The following MTUS1 variants were observed in gnomAD, a reference collection of about 807,000 sequenced individuals.
MTUS1 encodes the protein microtubule-associated tumor suppressor 1.
MTUS1 carries 109 observed loss-of-function variants against 120.8 expected under a neutral mutation model. The observed-to-expected ratio is 0.90, with a 90% CI of 0.77 to 1.06. MTUS1 has a LOEUF of 1.06. MTUS1 is among the 50% of genes least tolerant of loss of function. MTUS1 has a pLI of 0.00. For missense variants in MTUS1, 2,210 were observed against 1,486.3 expected (o/e 1.49, Z -8.01); for synonymous variants, 737 against 550.5 (o/e 1.34, Z -4.74).
Position 17,722,630 on chromosome 8 carries a change from T to C in MTUS1, c.2449+1042A>G, listed in dbSNP as rs528260972. ...GTCGGAAATGTGCTCATTAATTCGG[T>C]CATTAATTCAATGCCTTCTCTACAA... On this transcript the variant is annotated intron_variant, in intron 4 of 14. Coordinates refer to ENST00000693296, the MANE Select transcript of MTUS1 (RefSeq NM_001363059.2). 6 of 917,370 alleles carry C rather than the reference T, an allele frequency of 6.5e-6. No individual in the cohort carries two copies. The African/African-American group carries it at 1.1e-4, about 16-fold the overall frequency. 56.8% of individuals were successfully genotyped at this position (917,370 alleles called of 1,614,324 possible). A position where few individuals can be genotyped will look rare whatever the true frequency, so the allele number is the denominator to read the frequency against.
intron 1 of MTUS1, among the ~76,000 whole-genome samples, chr8:17,769,232 CTTTTT>C (rs35061390): frequency 0.17 from 22,911 of 131,272 alleles, 1,859 homozygotes; most frequent in Admixed American, 0.22. Flanking sequence ...GCTTTTATTC[CTTTTT>C]TTTTTTTTTT....
At chr8:17,675,918 A>T (rs572737683) in intron 7 of MTUS1, 1 of 188,458 alleles carries the variant, frequency 5.3e-6, no homozygotes, top group African/African-American at 2.3e-5. Flanking sequence ...AGCAAGTATC[A>T]ACCTTGAGCT....
intron 8 of MTUS1, among the ~76,000 whole-genome samples, chr8:17,658,016 T>C (rs1435074073): frequency 4.3e-5 from 3 of 70,078 alleles, no homozygotes; most frequent in Non-Finnish European, 9.2e-5. Flanking sequence ...ATATACACTA[T>C]ATATATAGAC....
intron 3 of MTUS1, among the ~76,000 whole-genome samples, chr8:17,729,890 G>A (rs1164466697): frequency 6.7e-6 from 1 of 150,282 alleles, no homozygotes; most frequent in Non-Finnish European, 1.5e-5. Context: ...TAGCCCAGAG[G>A]CACATGCAAA....
chr8:17,759,408 T>C (rs2048870499), intron 1 of MTUS1, among the ~76,000 whole-genome samples: 1 of 151,446 alleles, frequency 6.6e-6, no homozygotes, highest in Non-Finnish European at 1.5e-5. Flanking sequence ...TGACTACAGG[T>C]ATGTGCCAGC....
intron 1 of MTUS1, among the ~76,000 whole-genome samples, chr8:17,799,351 ATACAT>A (rs2052499717): frequency 6.6e-6 from 1 of 152,204 alleles, no homozygotes; most frequent in Admixed American, 6.5e-5. Flanking sequence ...ATTTTTCATG[ATACAT>A]TAATCAGGAA....
rs1432301103 is a variant in MTUS1 at position 17,781,072 on chromosome 8, TAA to T, written c.-155+19987_-155+19988del. ...ATCCTCTTATCTAATCAGATCTCCA[TAA>T]GTACCCTGAAGGCTTCAAGGAATAA... On this transcript the variant is annotated intron_variant, in intron 1 of 14. Transcript: ENST00000693296. The T allele has an allele frequency of 2.6e-5, 4 of 152,296 alleles. No homozygotes were observed. The East Asian group carries it at 7.7e-4, about 29-fold the overall frequency. The allele number at this position is 152,296 out of a possible 1,614,324, so 9.4% of individuals were successfully genotyped here. A position where few individuals can be genotyped will look rare whatever the true frequency, so the allele number is the denominator to read the frequency against.
intron 12 of MTUS1, among the ~76,000 whole-genome samples, chr8:17,650,293 T>C (rs1018541944): frequency 1.3e-5 from 2 of 152,184 alleles, no homozygotes; most frequent in African/African-American, 4.8e-5. Flanking sequence ...GAGTCAGTTA[T>C]TGGCATTTTC....
intron 7 of MTUS1, among the ~76,000 whole-genome samples, chr8:17,682,770 C>T (rs537879326): frequency 7.6e-4 from 115 of 152,176 alleles, no homozygotes; most frequent in Non-Finnish European, 1.2e-3. Flanking sequence ...ACTAATTGTT[C>T]CCCACATTTG....
At chr8:17,730,624 G>A (rs1586014273) in intron 3 of MTUS1, among the ~76,000 whole-genome samples, 1 of 152,222 alleles carries the variant, frequency 6.6e-6, no homozygotes, top group East Asian at 1.9e-4. Context: ...ACAAAAGGTG[G>A]TACAGATATA....
chr8:17,670,469 T>C (rs1398291470), intron 8 of MTUS1, among the ~76,000 whole-genome samples: 1 of 152,108 alleles, frequency 6.6e-6, no homozygotes, highest in Non-Finnish European at 1.5e-5. Flanking sequence ...TTAAAGGTGA[T>C]CATAATGAAC....
chr8:17,789,258 C>G (rs1031061857), intron 1 of MTUS1, among the ~76,000 whole-genome samples: 3 of 152,140 alleles, frequency 2.0e-5, no homozygotes, highest in African/African-American at 7.2e-5. Flanking sequence ...CTCCAACTCC[C>G]AATCTCAGGT....
Position 17,754,854 on chromosome 8 carries a change from G to A in MTUS1, c.954C>T (p.Ser318=), listed in dbSNP as rs2048479145. 2 of 1,614,174 alleles carry A rather than the reference G, an allele frequency of 1.2e-6. No homozygotes were observed. The highest frequency in any genetic ancestry group is 1.7e-6 in the Non-Finnish European group (2 of 1,180,040). Residue 318 remains serine, a synonymous_variant, in exon 2 of 15, where the codon TCC becomes TCT. Transcript: ENST00000693296. The part of the protein sequence containing the change: ...QEFFCLSHDE[S]NSEPHSQSSY... ...AGCTCTGTGAATGTGGTTCGCTATT[G>A]GATTCATCATGGGATAAACAAAAGA...
At chr8:17,738,465 A>C (rs183983612) in intron 3 of MTUS1, among the ~76,000 whole-genome samples, 28 of 152,320 alleles carry the variant, frequency 1.8e-4, no homozygotes, top group East Asian at 1.9e-4. Flanking sequence ...TTGCCTCCAA[A>C]AGAGAGTGAA....
At chr8:17,685,190 T>TC (rs1485673214) in intron 6 of MTUS1, among the ~76,000 whole-genome samples, 1 of 152,202 alleles carries the variant, frequency 6.6e-6, no homozygotes, top group East Asian at 1.9e-4. Context: ...TGGTCTTTTT[T>TC]CCCAAGTAGT....
chr8:17,649,719 T>A (rs1241982267), intron 13 of MTUS1, 127 bp downstream of exon 13: 2 of 651,178 alleles, frequency 3.1e-6, no homozygotes, highest in African/African-American at 1.8e-5. Context: ...GTGAACTTTA[T>A]CTTTTGTATA....
chr8:17,794,747 G>C (rs903803257), intron 1 of MTUS1, among the ~76,000 whole-genome samples: 1 of 152,168 alleles, frequency 6.6e-6, no homozygotes, highest in Non-Finnish European at 1.5e-5. Flanking sequence ...GATTTTAACA[G>C]TGCAAGGTGA....
chr8:17,683,257 G>T (rs185332825), intron 7 of MTUS1, among the ~76,000 whole-genome samples: 2 of 152,246 alleles, frequency 1.3e-5, no homozygotes, highest in African/African-American at 4.8e-5. Flanking sequence ...GGGCGACAGA[G>T]TGAGAGTCTG....
At chr8:17,753,539 T>C (rs1439752227) in intron 2 of MTUS1, among the ~76,000 whole-genome samples, 178 bp downstream of exon 2, 1 of 152,136 alleles carries the variant, frequency 6.6e-6, no homozygotes, top group East Asian at 1.9e-4. Context: ...TATGCAGTTT[T>C]GTTGTATTGA....
Sources: allele counts gnomAD v4.1 joint callset (sites outside exome capture counted in the v4.1 genomes callset), GRCh38; gene constraint gnomAD v4.1.1; transcripts MANE v1.5; gene names NCBI Gene and HGNC (gene_info 2026-07-23, HGNC 2026-07-21).